CNTNAP5: variants seen among roughly 807,000 people sequenced by gnomAD.
The protein encoded by CNTNAP5 is contactin-associated protein-like 5.
CNTNAP5 carries 72 observed loss-of-function variants against 150.2 expected under a neutral mutation model. That is an observed-to-expected ratio of 0.48 (90% confidence interval 0.40 to 0.58). The LOEUF is 0.58. Among genes scored for constraint, CNTNAP5 ranks in the 20% least tolerant of loss-of-function variants. CNTNAP5 has a pLI of 0.00. For synonymous variants in CNTNAP5, 672 were observed against 619.8 expected (o/e 1.08, Z -1.25); for missense variants, 1,636 against 1,626.2 (o/e 1.01, Z -0.10).
At chr2:124,372,064 A>G (rs894082765) in intron 3 of CNTNAP5, among the ~76,000 whole-genome samples, 3 of 151,994 alleles carry the variant, frequency 2.0e-5, no homozygotes, top group East Asian at 3.9e-4. Context: ...GCATCGTCCA[A>G]TTGGCTGCCA....
chr2:124,526,466 G>A (rs1694970659), intron 9 of CNTNAP5, among the ~76,000 whole-genome samples: 1 of 152,082 alleles, frequency 6.6e-6, no homozygotes, highest in Non-Finnish European at 1.5e-5. Flanking sequence ...TATTACCATG[G>A]TTTCAAGCTT....
Position 124,850,055 on chromosome 2 carries a change from G to A in CNTNAP5, c.3218-15251G>A, listed in dbSNP as rs374304807. 4.0e-4 allele frequency among the ~76,000 whole-genome samples: 61 copies of A among 152,152 alleles called. No individual in the cohort carries two copies. In the South Asian group the frequency reaches 5.8e-3, roughly 14 times the overall value. On this transcript the variant is annotated intron_variant, in intron 19 of 23. Coordinates refer to ENST00000682447, the MANE Select transcript of CNTNAP5 (RefSeq NM_001367498.1). Reference sequence around the variant, plus strand: ...CAGTTGTCCCATATGTAAAATTAGCGTAAAGTTAATTATAAGTAGGCCATA... The same window carrying A: ...CAGTTGTCCCATATGTAAAATTAGCATAAAGTTAATTATAAGTAGGCCATA...
intron 11 of CNTNAP5, among the ~76,000 whole-genome samples, chr2:124,598,746 G>T (rs1210609310): frequency 4.6e-5 from 7 of 151,914 alleles, no homozygotes; most frequent in Non-Finnish European, 8.8e-5. Context: ...CCCCAGCCTC[G>T]CTGCCGCCTT....
chr2:124,585,199 A>G (rs73952829), intron 11 of CNTNAP5, among the ~76,000 whole-genome samples: 7,645 of 152,224 alleles, frequency 0.05, 505 homozygotes, highest in African/African-American at 0.16. Flanking sequence ...CTTCTATGTT[A>G]TCACTCCATT....
intron 13 of CNTNAP5, among the ~76,000 whole-genome samples, chr2:124,694,592 T>G (rs970424082): frequency 6.6e-6 from 1 of 152,196 alleles, no homozygotes; most frequent in Non-Finnish European, 1.5e-5. Context: ...CCCTAGTGTT[T>G]TAATGGTAAT....
At chr2:124,162,072 C>T (rs1015720059) in intron 1 of CNTNAP5, among the ~76,000 whole-genome samples, 1 of 152,120 alleles carries the variant, frequency 6.6e-6, no homozygotes, top group Admixed American at 6.6e-5. Flanking sequence ...GTGCCACTCA[C>T]TACCTGAAAG....
chr2:124,332,933 AT>A (rs1039876603), intron 3 of CNTNAP5, among the ~76,000 whole-genome samples: 6 of 152,138 alleles, frequency 3.9e-5, no homozygotes, highest in African/African-American at 2.4e-5. Flanking sequence ...ATTTGAGCTT[AT>A]TTTTTTATTT....
chr2:124,608,969 T>C (rs1378065595), intron 11 of CNTNAP5, among the ~76,000 whole-genome samples: 1 of 152,054 alleles, frequency 6.6e-6, no homozygotes. Flanking sequence ...GAAAAAGTCT[T>C]TAATTAGTAA....
chr2:124,633,437 T>G (rs148294301), intron 12 of CNTNAP5, among the ~76,000 whole-genome samples: 252 of 152,356 alleles, frequency 1.7e-3, no homozygotes, highest in African/African-American at 5.7e-3. Context: ...TAATCTCTTT[T>G]GACTTCATGT....
At chr2:124,530,375 G>A (rs1272568492) in intron 10 of CNTNAP5, among the ~76,000 whole-genome samples, 1 of 152,266 alleles carries the variant, frequency 6.6e-6, no homozygotes. Flanking sequence ...AGGCACAAAT[G>A]TTCCAAAATC....
intron 3 of CNTNAP5, among the ~76,000 whole-genome samples, chr2:124,261,103 T>C (rs1039121509): frequency 1.3e-5 from 2 of 152,108 alleles, no homozygotes; most frequent in East Asian, 1.9e-4. Context: ...ATTTAAGAAA[T>C]AAAATTGTCA....
intron 14 of CNTNAP5, among the ~76,000 whole-genome samples, chr2:124,763,276 T>A (rs991588811): frequency 6.6e-6 from 1 of 152,136 alleles, no homozygotes; most frequent in Admixed American, 6.6e-5. Flanking sequence ...GAGTGATTTT[T>A]GAGTGGAATT....
intron 1 of CNTNAP5, 43 bp from the exon 2 acceptor site, chr2:124,221,662 A>G (rs1686319338): frequency 1.7e-6 from 2 of 1,208,076 alleles, no homozygotes; most frequent in South Asian, 2.6e-5. Flanking sequence ...GTTTCTTGCT[A>G]ATAGAATCTG....
intron 3 of CNTNAP5, among the ~76,000 whole-genome samples, chr2:124,332,411 TAACA>T (rs1689371773): frequency 6.6e-6 from 1 of 151,310 alleles, no homozygotes; most frequent in African/African-American, 2.4e-5. Context: ...TTCTGTAGAC[TAACA>T]CAATTTTATA....
rs1680815456 is a variant in CNTNAP5, at chr2:124,755,268, A to G, written c.2234+7883A>G. 2.6e-5 allele frequency among the ~76,000 whole-genome samples: 4 copies of G among 152,174 alleles called. No individual in the cohort carries two copies. The South Asian group carries it at 8.3e-4, about 32-fold the overall frequency. On this transcript the variant is annotated intron_variant, in intron 14 of 23. Coordinates refer to ENST00000682447, the MANE Select transcript of CNTNAP5 (RefSeq NM_001367498.1). ...ACATCAGTTATCTGTCAAGCCTTATAAATATACTATCACTAAATTGTCTGT... is the reference window on the plus strand; with the variant it reads ...ACATCAGTTATCTGTCAAGCCTTATGAATATACTATCACTAAATTGTCTGT...
intron 8 of CNTNAP5, among the ~76,000 whole-genome samples, chr2:124,515,353 G>A (rs1224355524): frequency 6.6e-6 from 1 of 152,200 alleles, no homozygotes; most frequent in African/African-American, 2.4e-5. Context: ...CTGGGAAGAG[G>A]AGACTAACAT....
chr2:124,106,099 A>G (rs1473565827), intron 1 of CNTNAP5, among the ~76,000 whole-genome samples: 1 of 152,064 alleles, frequency 6.6e-6, no homozygotes, highest in Non-Finnish European at 1.5e-5. Context: ...TCTTTATACA[A>G]GTTATCATTG....
intron 19 of CNTNAP5, among the ~76,000 whole-genome samples, chr2:124,860,441 TTCCTTCCTTCTTTCCTTCCTTCC>T (rs1677492419): frequency 7.6e-6 from 1 of 132,384 alleles, no homozygotes; most frequent in African/African-American, 3.5e-5. Context: ...CCTTCCTTCC[TTCCTTCCTTCTTTCCTTCCTTCC>T]TTCCTTCCTT....
intron 1 of CNTNAP5, among the ~76,000 whole-genome samples, chr2:124,210,122 C>T (rs1424048957): frequency 6.6e-6 from 1 of 152,110 alleles, no homozygotes; most frequent in Non-Finnish European, 1.5e-5. Flanking sequence ...TTTCTTATTT[C>T]CTGAATATGG....
Sources: gnomAD v4.1 joint callset for allele counts (sites outside exome capture counted in the v4.1 genomes callset) on GRCh38, gnomAD v4.1.1 for gene constraint, MANE v1.5 for transcripts, NCBI Gene and HGNC (gene_info 2026-07-23, HGNC 2026-07-21) for gene names.